NR2C1: variants seen among roughly 807,000 people sequenced by gnomAD.
NR2C1 encodes TR2 nuclear hormone receptor.
Under a neutral mutation model 74.8 loss-of-function variants are expected in NR2C1, and 33 were observed. That is an observed-to-expected ratio of 0.44 (90% confidence interval 0.33 to 0.59). The LOEUF (loss-of-function observed/expected upper bound fraction) is 0.59, where lower values mean the gene tolerates loss of function less well. Among genes scored for constraint, NR2C1 ranks in the 20% least tolerant of loss-of-function variants. NR2C1 has a pLI of 0.02. For missense variants in NR2C1, 568 were observed against 715.6 expected, an observed-to-expected ratio of 0.79 and a Z score of 2.35; for synonymous variants, 225 against 240.6, an observed-to-expected ratio of 0.94 and a Z score of 0.60.
chr12:95,048,622 G>GCT lies in NR2C1; in HGVS notation c.1131+445_1131+446insAG, dbSNP rs1432439180. On this transcript the variant is annotated intron_variant, in intron 9 of 13. Transcript: ENST00000333003. The stretch of plus-strand genomic sequence containing the variant: ...ACATTTTGTTTCTATATGCAGATGA[G>GCT]TTTTTTTTTTTTTTTTTTTGAGACA... Among the ~76,000 whole-genome samples, 141 of 130,498 alleles carry GCT rather than the reference G, an allele frequency of 1.1e-3. 1 individual carries two copies. Among genetic ancestry groups the GCT allele is most frequent in the Middle Eastern group, 4.0e-3 (1 of 250 alleles). The allele number at this position is 130,498 out of a possible 152,430, so 85.6% of individuals were successfully genotyped here. A position where few individuals can be genotyped will look rare whatever the true frequency, so the allele number is the denominator to read the frequency against.
intron 12 of NR2C1, chr12:95,026,998 C>T (rs151136170): frequency 4.1e-4 from 62 of 152,298 alleles, no homozygotes; most frequent in African/African-American, 1.5e-3. Context: ...TAAAAAAATA[C>T]ACCTAAGAAT....
intron 1 of NR2C1, among the ~76,000 whole-genome samples, chr12:95,072,294 A>AAC (rs1565883561): frequency 2.2e-5 from 3 of 134,394 alleles, no homozygotes; most frequent in Non-Finnish European, 4.9e-5. Flanking sequence ...ACAAAAACAA[A>AAC]AACAAAAAAA....
chr12:95,071,745 C>T (rs1876650115), intron 1 of NR2C1, among the ~76,000 whole-genome samples: 2 of 151,512 alleles, frequency 1.3e-5, no homozygotes, highest in African/African-American at 2.4e-5. Flanking sequence ...TTTCATAAAA[C>T]CCACTTTTTT....
intron 1 of NR2C1, among the ~76,000 whole-genome samples, chr12:95,068,027 T>C (rs1443920735): frequency 6.6e-6 from 1 of 152,030 alleles, no homozygotes; most frequent in East Asian, 1.9e-4. Flanking sequence ...ACTAGGCACC[T>C]GCCACCACGC....
At chr12:95,031,284 A>G in intron 11 of NR2C1, 65 bp downstream of exon 11, 1 of 1,354,370 alleles carries the variant, frequency 7.4e-7, no homozygotes, top group Non-Finnish European at 9.8e-7. Context: ...AACTTTAGTC[A>G]TAACATTTAA....
chr12:95,066,512 A>ACC (rs777423653), intron 2 of NR2C1, among the ~76,000 whole-genome samples: 3 of 152,304 alleles, frequency 2.0e-5, no homozygotes, highest in Non-Finnish European at 2.9e-5. Context: ...ATATTTTAAT[A>ACC]CCCTTTTCAA....
rs375049172 is a variant in NR2C1 at position 95,021,054 on chromosome 12, G to A, written c.*1175C>T. On this transcript the variant is annotated 3_prime_UTR_variant, in exon 14 of 14. Transcript: ENST00000333003. Reference sequence around the variant, plus strand: ...TTTTTTAGTGATCTAAAAGAAATTGGCTAAAACCCATACATGACAGGTTTG... The same window carrying A: ...TTTTTTAGTGATCTAAAAGAAATTGACTAAAACCCATACATGACAGGTTTG... The A allele has an allele frequency of 8.5e-5, 13 of 152,148 alleles. No homozygotes were observed. In the East Asian group the frequency reaches 2.3e-3, roughly 27 times the overall value. The allele number at this position is 152,148 out of a possible 1,614,324, so 9.4% of individuals were successfully genotyped here.
intron 10 of NR2C1, among the ~76,000 whole-genome samples, chr12:95,040,221 T>C (rs937653422): frequency 6.6e-6 from 1 of 152,174 alleles, no homozygotes; most frequent in Non-Finnish European, 1.5e-5. Context: ...CTAGCCATAG[T>C]CTTATCAATT....
chr12:95,063,842 C>A (rs1875181539), intron 2 of NR2C1, among the ~76,000 whole-genome samples: 2 of 150,866 alleles, frequency 1.3e-5, no homozygotes, highest in African/African-American at 4.9e-5. Context: ...CCAGCCTGGC[C>A]AAAATGACGA....
intron 1 of NR2C1, among the ~76,000 whole-genome samples, chr12:95,071,493 T>C (rs1406729928): frequency 1.3e-5 from 2 of 152,162 alleles, no homozygotes; most frequent in African/African-American, 2.4e-5. Flanking sequence ...GTAGGGATTA[T>C]ACATTGTGTG....
chr12:95,072,294 A>AC lies in NR2C1; in HGVS notation c.-8+1085_-8+1086insG, dbSNP rs201035133. The stretch of plus-strand genomic sequence containing the variant: ...ATACAAAAAACAAAAACAAAAACAA[A>AC]AACAAAAAAACTAGCTGGGTGTGGT... On this transcript the variant is annotated intron_variant, in intron 1 of 13. Coordinates refer to ENST00000333003, the MANE Select transcript of NR2C1 (RefSeq NM_003297.4). Among the ~76,000 whole-genome samples the AC allele has an allele frequency of 5.7e-3, 772 of 134,506 alleles. 4 individuals are homozygous for AC. The highest frequency in any genetic ancestry group is 0.02 in the African/African-American group (680 of 34,274). 88.2% of individuals were successfully genotyped at this position (134,506 alleles called of 152,430 possible). A position where few individuals can be genotyped will look rare whatever the true frequency, so the allele number is the denominator to read the frequency against.
intron 9 of NR2C1, among the ~76,000 whole-genome samples, chr12:95,046,552 C>G (rs943286097): frequency 6.6e-6 from 1 of 152,102 alleles, no homozygotes; most frequent in African/African-American, 2.4e-5. Context: ...TATGCCACTG[C>G]GCTCCAGCCT....
intron 9 of NR2C1, among the ~76,000 whole-genome samples, chr12:95,047,268 T>C (rs1872430120): frequency 6.6e-6 from 1 of 152,180 alleles, no homozygotes; most frequent in Non-Finnish European, 1.5e-5. Flanking sequence ...TTTGCCTTGC[T>C]CCACCCTTGT....
chr12:95,033,999 G>C (rs1246948436), intron 10 of NR2C1, among the ~76,000 whole-genome samples: 2 of 152,058 alleles, frequency 1.3e-5, no homozygotes, highest in African/African-American at 4.8e-5. Context: ...GTCCTGATAG[G>C]AAATATGTCC....
intron 10 of NR2C1, among the ~76,000 whole-genome samples, chr12:95,037,457 ACT>A (rs1211557113): frequency 1.3e-5 from 2 of 152,206 alleles, no homozygotes; most frequent in Non-Finnish European, 1.5e-5. Flanking sequence ...CTAACCATGC[ACT>A]GTTTAGTAAA....
chr12:95,036,213 T>G (rs1183203777), intron 10 of NR2C1, among the ~76,000 whole-genome samples: 1 of 146,072 alleles, frequency 6.8e-6, no homozygotes, highest in Non-Finnish European at 1.5e-5. Context: ...AAGAGCTGAG[T>G]AGAGACTGTA....
chr12:95,030,366 A>AGG, intron 11 of NR2C1: 1 of 946,574 alleles, frequency 1.1e-6, no homozygotes. Context: ...AAAAACAGAT[A>AGG]TTTAGTAAAA....
chr12:95,034,611 A>G (rs1398944567), intron 10 of NR2C1, among the ~76,000 whole-genome samples: 2 of 152,236 alleles, frequency 1.3e-5, no homozygotes, highest in Non-Finnish European at 2.9e-5. Flanking sequence ...ACAGTCATGC[A>G]TAGCACAATG....
intron 1 of NR2C1, among the ~76,000 whole-genome samples, chr12:95,069,736 G>A (rs906985263): frequency 1.3e-5 from 2 of 151,236 alleles, no homozygotes; most frequent in African/African-American, 4.9e-5. Context: ...CTGGATGACT[G>A]AAAAAAAATG....
Sources: allele counts gnomAD v4.1 joint callset (sites outside exome capture counted in the v4.1 genomes callset), GRCh38; gene constraint gnomAD v4.1.1; transcripts MANE v1.5; gene names NCBI Gene and HGNC (gene_info 2026-07-23, HGNC 2026-07-21).